The following TJP2 variants were observed in gnomAD, a reference collection of about 807,000 sequenced individuals.
TJP2 encodes the protein tight junction protein 2.
In TJP2, 91 loss-of-function variants were observed where a neutral mutation model predicts 133.1. The ratio of observed to expected loss-of-function variants is 0.68; its 90% CI spans 0.58 to 0.81. The LOEUF is 0.81. Among genes scored for constraint, TJP2 ranks in the 40% least tolerant of loss-of-function variants. The pLI is 0.00. For synonymous variants in TJP2, 592 were observed against 583.4 expected, an observed-to-expected ratio of 1.01 and a Z score of -0.21; for missense variants, 1,541 against 1,565.6, an observed-to-expected ratio of 0.98 and a Z score of 0.26.
rs757731967 is a variant in TJP2, at chr9:69,237,936, A to C, written c.2238A>C (p.Lys746Asn). 6.2e-7 allele frequency: 1 copy of C among 1,613,872 alleles called. No individual in the cohort carries two copies. Among genetic ancestry groups the C allele is most frequent in the Admixed American group, 1.7e-5 (1 of 60,016 alleles). Residue 746 changes from lysine to asparagine, a missense_variant, in exon 15 of 23, where the codon AAA becomes AAC. By Grantham distance (94) the Lys-to-Asn change is moderately conservative (BLOSUM62 0). Transcript: ENST00000377245. ...FGPIADIAME[K>N]LANELPDWFQ... The stretch of plus-strand genomic sequence containing the variant: ...CCATAGCTGATATAGCAATGGAAAA[A>C]TTGGCTAATGAGTTACCTGACTGGT...
Position 69,127,616 on chromosome 9 carries a change from C to CT in TJP2, c.-131+5892dup, listed in dbSNP as rs1822327358. 2.7e-5 allele frequency among the ~76,000 whole-genome samples: 2 copies of CT among 74,910 alleles called. 1 individual carries two copies. The highest frequency in any genetic ancestry group is 7.5e-4 in the South Asian group (2 of 2,658). The allele number at this position is 74,910 out of a possible 152,430, so 49.1% of individuals were successfully genotyped here. On this transcript the variant is annotated intron_variant, in intron 1 of 5. Coordinates refer to the TJP2 transcript ENST00000423935. Reference sequence around the variant, plus strand: ...GAACATTTTCCCCAGTAAACCCCCTCTACCCCTTAGCTGGCTCCTGTCAAT... The same window carrying CT: ...GAACATTTTCCCCAGTAAACCCCCTCTTACCCCTTAGCTGGCTCCTGTCAAT...
intron 1 of TJP2, among the ~76,000 whole-genome samples, chr9:69,129,053 G>T (rs1349962003): frequency 6.6e-6 from 1 of 152,222 alleles, no homozygotes; most frequent in Non-Finnish European, 1.5e-5. Context: ...AAGAATTAAT[G>T]AATACGTAGT....
intron 2 of TJP2, among the ~76,000 whole-genome samples, chr9:69,156,542 T>A (rs1823772064): frequency 6.9e-6 from 1 of 145,228 alleles, no homozygotes; most frequent in Non-Finnish European, 1.5e-5. Flanking sequence ...TTTTTTTTTT[T>A]TTTTTTTGAG....
chr9:69,227,738 A>G, intron 7 of TJP2, 27 bp from the exon 8 acceptor site: 1 of 1,449,242 alleles, frequency 6.9e-7, no homozygotes, highest in Non-Finnish European at 9.6e-7. Context: ...ATTTTATTTA[A>G]AAGTCTTTTC....
At chr9:69,221,795 G>A (rs1278393136) in intron 5 of TJP2, among the ~76,000 whole-genome samples, 1 of 150,904 alleles carries the variant, frequency 6.6e-6, no homozygotes, top group Non-Finnish European at 1.5e-5. Flanking sequence ...GAGGTGATCC[G>A]TCCACCTGAA....
intron 1 of TJP2, among the ~76,000 whole-genome samples, chr9:69,148,270 AG>A (rs1823307174): frequency 1.0e-5 from 1 of 95,402 alleles, no homozygotes; most frequent in Non-Finnish European, 2.1e-5. Context: ...TTTGAGACAC[AG>A]TCTCAAAAAA....
chr9:69,174,024 C>T (rs1413250299), upstream of TJP2: 12 of 1,033,946 alleles, frequency 1.2e-5, no homozygotes, highest in Non-Finnish European at 1.4e-5. Context: ...CCGCCGCCGC[C>T]GCCTCCCGCC....
At chr9:69,145,876 T>C (rs754598587) in intron 1 of TJP2, 64 of 1,122,250 alleles carry the variant, frequency 5.7e-5, no homozygotes, top group Non-Finnish European at 6.9e-5. Flanking sequence ...TTTGTCTGTT[T>C]TGGGGACCCA....
At chr9:69,219,161 G>T (rs1180981163) in intron 4 of TJP2, among the ~76,000 whole-genome samples, 1 of 152,080 alleles carries the variant, frequency 6.6e-6, no homozygotes, top group Non-Finnish European at 1.5e-5. Flanking sequence ...TAGAGACGGG[G>T]TTTCACCATG....
rs1829328750 is a variant in TJP2 at position 69,226,125 on chromosome 9, A to G, written c.1160A>G (p.Gln387Arg). 6.2e-7 allele frequency: 1 copy of G among 1,614,206 alleles called. No homozygotes were observed. Among genetic ancestry groups the G allele is most frequent in the East Asian group, 2.2e-5 (1 of 44,876 alleles). Reference sequence around the variant, plus strand: ...CTAGTGGTGTTGAGAGACAGCCAGCAGACCCTCATCAACATCCCGTCATTA... The same window carrying G: ...CTAGTGGTGTTGAGAGACAGCCAGCGGACCCTCATCAACATCCCGTCATTA... Reference protein sequence around the residue: ...LQLVVLRDSQQTLINIPSLND... With the variant: ...LQLVVLRDSQRTLINIPSLND... Residue 387 changes from glutamine (Q) to arginine (R), a missense_variant, in exon 7 of 23, where the codon CAG becomes CGG. Gln to Arg is a conservative substitution (Grantham distance 43). Transcript: ENST00000377245.
At chr9:69,178,307 T>C (rs147739128) in intron 1 of TJP2, among the ~76,000 whole-genome samples, 421 of 152,302 alleles carry the variant, frequency 2.8e-3, no homozygotes, top group African/African-American at 9.7e-3. Context: ...ATGTTAGGAA[T>C]AAAAACAGAA....
rs977387225 is a variant in TJP2 at position 69,252,716 on chromosome 9, A to G, written c.3322-99A>G. The G allele has an allele frequency of 6.3e-6, 7 of 1,107,454 alleles. No homozygotes were observed. In the Admixed American group the frequency reaches 1.3e-4, roughly 21 times the overall value. The allele number at this position is 1,107,454 out of a possible 1,614,324, so 68.6% of individuals were successfully genotyped here. A position where few individuals can be genotyped will look rare whatever the true frequency, so the allele number is the denominator to read the frequency against. ...CTTGAAATGGGATGGGAAAATAAGT[A>G]GGATATGGGGAAAGGGTGGGACCAG... is the stretch of plus-strand genomic sequence containing the variant. On this transcript the variant is annotated intron_variant, in intron 21 of 22. Transcript: ENST00000377245.
intron 5 of TJP2, among the ~76,000 whole-genome samples, chr9:69,221,863 CTTTT>C (rs11308693): frequency 8.9e-6 from 1 of 112,246 alleles, no homozygotes; most frequent in Non-Finnish European, 1.7e-5. Context: ...GGAATAGCTA[CTTTT>C]TTTTTTTTTT....
chr9:69,197,535 C>T (rs1002851237), intron 1 of TJP2, among the ~76,000 whole-genome samples: 5 of 151,964 alleles, frequency 3.3e-5, no homozygotes, highest in African/African-American at 1.2e-4. Flanking sequence ...ACCATGTGTT[C>T]GTAATGCTCT....
chr9:69,254,059 C>T, intron 22 of TJP2, 150 bp from the exon 23 acceptor site: 2 of 908,956 alleles, frequency 2.2e-6, no homozygotes, highest in Non-Finnish European at 3.6e-6. Context: ...GGAGCAGGAC[C>T]AGGGATGCCC....
At chr9:69,203,607 A>ATTTGTTTTTTTTT (rs1827167385) in intron 1 of TJP2, among the ~76,000 whole-genome samples, 1 of 67,860 alleles carries the variant, frequency 1.5e-5, no homozygotes. Flanking sequence ...CCCAGCCTGG[A>ATTTGTTTTTTTTT]TTTTTTTTTT....
At chr9:69,219,271 A>C (rs989603336) in intron 4 of TJP2, among the ~76,000 whole-genome samples, 1 of 152,036 alleles carries the variant, frequency 6.6e-6, no homozygotes, top group Non-Finnish European at 1.5e-5. Flanking sequence ...ACCCGGCCAC[A>C]TATATGGTAT....
intron 1 of TJP2, among the ~76,000 whole-genome samples, chr9:69,124,816 A>G (rs12238810): frequency 0.32 from 24,446 of 76,692 alleles, 10,552 homozygotes; most frequent in Non-Finnish European, 0.38. Context: ...GCATTTTGCA[A>G]TCTACATGAG....
At chr9:69,210,299 C>CCCCAA (rs377382335) in intron 1 of TJP2, among the ~76,000 whole-genome samples, 11 of 28,664 alleles carry the variant, frequency 3.8e-4, no homozygotes, top group Non-Finnish European at 5.0e-4. Context: ...CCCCCCCCCC[C>CCCCAA]AAAAAAAAAA....
Sources: gnomAD v4.1 joint callset for allele counts (sites outside exome capture counted in the v4.1 genomes callset) on GRCh38, gnomAD v4.1.1 for gene constraint, MANE v1.5 for transcripts, NCBI Gene and HGNC (gene_info 2026-07-23, HGNC 2026-07-21) for gene names.